The following LLGL2 variants were observed in gnomAD, a reference collection of about 807,000 sequenced individuals.
LLGL2 encodes the protein LLGL2, scribble cell polarity complex component.
LLGL2 carries 81 observed loss-of-function variants against 123.2 expected under a neutral mutation model. That is an observed-to-expected ratio of 0.66 (90% confidence interval 0.55 to 0.79). The LOEUF is 0.79. Ranked by LOEUF, LLGL2 falls within the 30% of genes least tolerant of loss-of-function variation. The pLI is 0.00. For synonymous variants in LLGL2, 577 were observed against 594.1 expected (o/e 0.97, Z 0.42); for missense variants, 1,273 against 1,414.6 (o/e 0.90, Z 1.61).
rs200597703 is a variant in LLGL2, at chr17:75,568,795, C to G, written c.1278C>G (p.Thr426=). 2 of 1,602,336 alleles carry G rather than the reference C, an allele frequency of 1.2e-6. No homozygotes were observed. The highest frequency in any genetic ancestry group is 4.5e-5 in the East Asian group (2 of 44,750). Residue 426 remains threonine, a synonymous_variant, in exon 12 of 26, where the codon ACC becomes ACG. Transcript: ENST00000392550. ...STMEWPIDGG[T]SLTPAPPQRD... ...AGGAGTGGCCAATTGATGGTGGCAC[C>G]AGCCTGACCCCAGCCCCACCCCAGA... is the stretch of plus-strand genomic sequence containing the variant.
At position 75,563,422 on chromosome 17, in the gene LLGL2, A is replaced by G. The variant is rs1303759438; in HGVS notation, c.785A>G (p.Glu262Gly). Residue 262 changes from glutamate to glycine, a missense_variant, in exon 8 of 26, where the codon GAA becomes GGA. Glu to Gly is a moderately conservative substitution (Grantham distance 98, BLOSUM62 -2). Transcript: ENST00000392550. Reference sequence around the variant, plus strand: ...TACTGCCAGTGGCCCGTGTCCAGCGAAGCCCAGCAACCAGAGCCCCTCCGC... The same window carrying G: ...TACTGCCAGTGGCCCGTGTCCAGCGGAGCCCAGCAACCAGAGCCCCTCCGC... ...GSYCQWPVSS[E>G]AQQPEPLRSL... The G allele has an allele frequency of 1.9e-6, 3 of 1,612,748 alleles. No homozygotes were observed. Among genetic ancestry groups the G allele is most frequent in the Non-Finnish European group, 2.5e-6 (3 of 1,180,032 alleles).
chr17:75,570,764 TG>T (rs1598632915), intron 16 of LLGL2, among the ~76,000 whole-genome samples, 185 bp from the exon 17 acceptor site: 1 of 152,158 alleles, frequency 6.6e-6, no homozygotes, highest in Admixed American at 6.5e-5. Context: ...TACAACATGC[TG>T]GGGGCCCAGG....
intron 10 of LLGL2, among the ~76,000 whole-genome samples, chr17:75,566,949 G>C (rs1306255492): frequency 6.6e-6 from 1 of 152,190 alleles, no homozygotes; most frequent in South Asian, 2.1e-4. Context: ...TGTGAAGGCT[G>C]CTCAATGATT....
chr17:75,529,749 T>C (rs2053707844), intron 1 of LLGL2, among the ~76,000 whole-genome samples: 2 of 151,586 alleles, frequency 1.3e-5, no homozygotes, highest in South Asian at 4.2e-4. Flanking sequence ...TAATCCCAGC[T>C]ACTCAGGAGG....
At chr17:75,546,586 ACAGGCGGAGGG>A (rs1468903837) in intron 2 of LLGL2, among the ~76,000 whole-genome samples, 47 of 54,924 alleles carry the variant, frequency 8.6e-4, no homozygotes, top group African/African-American at 2.4e-3. Flanking sequence ...GGTCCAGCAG[ACAGGCGGAGGG>A]CAGGTCCAGC....
rs2055910649 is a variant in LLGL2, at chr17:75,575,033, G to A, written c.*155G>A. 9.5e-7 allele frequency: 1 copy of A among 1,051,878 alleles called. No individual in the cohort carries two copies. The highest frequency in any genetic ancestry group is 1.5e-6 in the Non-Finnish European group (1 of 678,840). 65.2% of individuals were successfully genotyped at this position (1,051,878 alleles called of 1,614,324 possible). A position where few individuals can be genotyped will look rare whatever the true frequency, so the allele number is the denominator to read the frequency against. On this transcript the variant is annotated 3_prime_UTR_variant, in exon 26 of 26. Coordinates refer to ENST00000392550, the MANE Select transcript of LLGL2 (RefSeq NM_001031803.2). Reference sequence around the variant, plus strand: ...TGCAGCTGCTCTGGGCCTCGGGAGAGGAGAGACCCCAGTCCCCTGGGCTGC... The same window carrying A: ...TGCAGCTGCTCTGGGCCTCGGGAGAAGAGAGACCCCAGTCCCCTGGGCTGC...
intron 2 of LLGL2, chr17:75,546,423 G>T (rs1034552619): frequency 6.1e-6 from 1 of 162,742 alleles, no homozygotes; most frequent in African/African-American, 2.4e-5. Context: ...CCATAGAGTT[G>T]GTGTGAGGAC....
At position 75,559,221 on chromosome 17, in the gene LLGL2, G is replaced by A; in HGVS notation, c.372-31G>A. The stretch of plus-strand genomic sequence containing the variant: ...ATGGCATCTCCCCTGCTGGGCAGTG[G>A]TCGGCTCACGGGCAGCTGTTCTTGT... On this transcript the variant is annotated intron_variant, in intron 5 of 25. Transcript: ENST00000392550. The surrounding 1 kb of genome is among the most constrained non-coding windows in gnomAD (Gnocchi z 4.6). 2 of 1,558,968 alleles carry A rather than the reference G, an allele frequency of 1.3e-6. No individual in the cohort carries two copies. The highest frequency in any genetic ancestry group is 8.7e-7 in the Non-Finnish European group (1 of 1,153,812).
rs927725458 is a variant in LLGL2 at position 75,549,643 on chromosome 17, C to T, written c.75+6142C>T. ...TGAGCTGGCCACACCCAGCCAGTAT[C>T]GGGCAGAGTGGCCCGGCCAGGCAGG... is the stretch of plus-strand genomic sequence containing the variant. On this transcript the variant is annotated intron_variant, in intron 2 of 25. Transcript: ENST00000392550. The surrounding 1 kb of genome is among the most constrained non-coding windows in gnomAD (Gnocchi z 4.0). Among the ~76,000 whole-genome samples the T allele has an allele frequency of 5.3e-5, 8 of 152,236 alleles. No homozygotes were observed. Among genetic ancestry groups the T allele is most frequent in the Non-Finnish European group, 1.2e-4 (8 of 68,046 alleles).
rs1423998293 is a variant in LLGL2, at chr17:75,573,272, G to A, written c.2719G>A (p.Gly907Ser). ...CGCCTCCTGCGTCTTCACCAAATAT[G>A]GCCAAGGTGTTTGAGCCGGGCTGGG... ...GIASCVFTKYGQGFYLISPSE... is the reference protein window; with the variant it reads ...GIASCVFTKYSQGFYLISPSE... The change falls in exon 20 of 26, where the codon GGC becomes AGC. Residue 907 changes from glycine to serine, a missense_variant. By Grantham distance (56) the Gly-to-Ser change is moderately conservative. Transcript: ENST00000392550. 5 of 1,597,732 alleles carry A rather than the reference G, an allele frequency of 3.1e-6. No homozygotes were observed. The highest frequency in any genetic ancestry group is 4.3e-6 in the Non-Finnish European group (5 of 1,168,392).
chr17:75,556,182 TG>T, intron 3 of LLGL2, 39 bp downstream of exon 3: 1 of 1,506,640 alleles, frequency 6.6e-7, no homozygotes. Context: ...GGCAGGGCCT[TG>T]GGGTGGGTGA....
rs774933314 is a variant in LLGL2, at chr17:75,563,009, C to T, written c.531-7C>T. On this transcript the variant is annotated splice_region_variant and splice_polypyrimidine_tract_variant and intron_variant, in intron 6 of 25. Coordinates refer to ENST00000392550, the MANE Select transcript of LLGL2 (RefSeq NM_001031803.2). ...CATCGGAGGCTCACGGCACTCCCCTCGCCCAGGTTGCCAGAGGAGGCCCGC... is the reference window on the plus strand; with the variant it reads ...CATCGGAGGCTCACGGCACTCCCCTTGCCCAGGTTGCCAGAGGAGGCCCGC... 4.5e-5 allele frequency: 73 copies of T among 1,610,772 alleles called. No homozygotes were observed. The highest frequency in any genetic ancestry group is 5.8e-5 in the Non-Finnish European group (69 of 1,179,980).
In LLGL2 at chr17:75,558,001, C is replaced by A; in HGVS notation, c.174-154C>A. 1 of 782,330 alleles carries A rather than the reference C, an allele frequency of 1.3e-6. No individual in the cohort carries two copies. The highest frequency in any genetic ancestry group is 2.5e-5 in the East Asian group (1 of 40,274). The allele number at this position is 782,330 out of a possible 1,614,324, so 48.5% of individuals were successfully genotyped here. A position where few individuals can be genotyped will look rare whatever the true frequency, so the allele number is the denominator to read the frequency against. ...GGGCCAGGGCTGCTGTGTCTCCTCC[C>A]CACCCTAGGCTCCATGCATGGGTCC... On this transcript the variant is annotated intron_variant, in intron 3 of 25. Transcript: ENST00000392550. The surrounding 1 kb of genome is among the most constrained non-coding windows in gnomAD (Gnocchi z 4.0).
intron 16 of LLGL2, 53 bp downstream of exon 16, chr17:75,570,551 G>A (rs1052879075): frequency 5.8e-5 from 89 of 1,534,780 alleles, no homozygotes; most frequent in Non-Finnish European, 7.6e-5. Flanking sequence ...TCGGCTCAGA[G>A]CAGCCAGCAG....
At position 75,574,187 on chromosome 17, in the gene LLGL2, G is replaced by A. The variant is rs1003932271; in HGVS notation, c.2906-26G>A. The A allele has an allele frequency of 8.6e-6, 13 of 1,519,882 alleles. No homozygotes were observed. In the East Asian group the frequency reaches 1.2e-4, roughly 14 times the overall value. 94.1% of individuals were successfully genotyped at this position (1,519,882 alleles called of 1,614,324 possible). A position where few individuals can be genotyped will look rare whatever the true frequency, so the allele number is the denominator to read the frequency against. ...AGGCCGAGGAGGGCCCAGGCGGGGC[G>A]CCCTGACCCGGCCTCTACCTTCCAG... On this transcript the variant is annotated intron_variant, in intron 22 of 25. Coordinates refer to ENST00000392550, the MANE Select transcript of LLGL2 (RefSeq NM_001031803.2).
chr17:75,569,100 A>C lies in LLGL2; in HGVS notation c.1445A>C (p.Gln482Pro), dbSNP rs146711859. The C allele has an allele frequency of 7.4e-6, 12 of 1,613,244 alleles. No individual in the cohort carries two copies. The Admixed American group carries it at 1.2e-4, about 16-fold the overall frequency. Residue 482 changes from glutamine (Q) to proline (P), a missense_variant, in exon 13 of 26, where the codon CAG (glutamine) becomes CCG (proline). Physicochemically the swap from Gln to Pro is moderately conservative, Grantham distance 76. Coordinates refer to ENST00000392550, the MANE Select transcript of LLGL2 (RefSeq NM_001031803.2). The part of the protein sequence containing the change: ...DTDPNENFSA[Q>P]GEDEWPPLRK... ...GACCCCAACGAGAACTTCAGTGCCCAGGGCGAGGACGAGTGGCCCCCACTC... is the reference window on the plus strand; with the variant it reads ...GACCCCAACGAGAACTTCAGTGCCCCGGGCGAGGACGAGTGGCCCCCACTC...
At chr17:75,562,000 G>A (rs1048295941) in intron 6 of LLGL2, among the ~76,000 whole-genome samples, 6 of 152,180 alleles carry the variant, frequency 3.9e-5, no homozygotes, top group African/African-American at 1.2e-4. Flanking sequence ...TGTCAGTGAG[G>A]TCAGTGCTAG....
In LLGL2 at chr17:75,573,253, C is replaced by T. The variant is rs886556709; in HGVS notation, c.2700C>T (p.Ser900=). 6.2e-7 allele frequency: 1 copy of T among 1,605,214 alleles called. No individual in the cohort carries two copies. The highest frequency in any genetic ancestry group is 1.7e-5 in the Admixed American group (1 of 59,808). Residue 900 remains serine, a synonymous_variant, in exon 20 of 26, where the codon TCC becomes TCT. Coordinates refer to ENST00000392550, the MANE Select transcript of LLGL2 (RefSeq NM_001031803.2). ...IRREDVSGIA[S]CVFTKYGQGF... is the part of the protein sequence containing the mutation. ...GGGAGGACGTCAGTGGCATCGCCTC[C>T]TGCGTCTTCACCAAATATGGCCAAG... is the stretch of plus-strand genomic sequence containing the variant.
chr17:75,559,498 G>A lies in LLGL2; in HGVS notation c.530+88G>A, dbSNP rs2055100481. ...TGGTCCCAGGACTCTGTCAGGAGCT[G>A]TCATTTCTCTGCTGGGAATTCCATG... On this transcript the variant is annotated intron_variant, in intron 6 of 25. Coordinates refer to ENST00000392550, the MANE Select transcript of LLGL2 (RefSeq NM_001031803.2). The surrounding 1 kb of genome is among the most constrained non-coding windows in gnomAD (Gnocchi z 4.6). 2.0e-6 allele frequency: 3 copies of A among 1,467,322 alleles called. No homozygotes were observed. The highest frequency in any genetic ancestry group is 4.5e-5 in the Admixed American group (2 of 44,464). 90.9% of individuals were successfully genotyped at this position (1,467,322 alleles called of 1,614,324 possible).
Sources: allele counts gnomAD v4.1 joint callset (sites outside exome capture counted in the v4.1 genomes callset), GRCh38; gene constraint gnomAD v4.1.1; non-coding constraint Gnocchi (gnomAD v3.1); transcripts MANE v1.5; gene names NCBI Gene and HGNC (gene_info 2026-07-23, HGNC 2026-07-21).